RFX3: variants seen among roughly 807,000 people sequenced by gnomAD.
The protein encoded by RFX3 is regulatory factor X3.
RFX3 carries 14 observed loss-of-function variants against 98.6 expected under a neutral mutation model. The ratio of observed to expected loss-of-function variants is 0.14; its 90% confidence interval spans 0.09 to 0.22. The LOEUF (loss-of-function observed/expected upper bound fraction) is 0.22. Among genes scored for constraint, RFX3 ranks in the 10% least tolerant of loss-of-function variants. The pLI is 1.00. For synonymous variants in RFX3, 383 were observed against 328.4 expected (o/e 1.17, Z -1.80); for missense variants, 639 against 926.9 (o/e 0.69, Z 4.03).
intron 4 of RFX3, among the ~76,000 whole-genome samples, chr9:3,315,028 T>A (rs909247318): frequency 2.6e-4 from 40 of 152,158 alleles, no homozygotes; most frequent in Non-Finnish European, 5.3e-4. Flanking sequence ...GCAGACCTAA[T>A]AGACATCTAC....
intron 1 of RFX3, among the ~76,000 whole-genome samples, chr9:3,395,814 C>T (rs1840799995): frequency 6.6e-6 from 1 of 152,144 alleles, no homozygotes; most frequent in South Asian, 2.1e-4. Flanking sequence ...CCCATTAGCA[C>T]CTCTTATCCT....
chr9:3,458,683 G>C (rs559726306), intron 1 of RFX3, among the ~76,000 whole-genome samples: 1 of 152,308 alleles, frequency 6.6e-6, no homozygotes, highest in East Asian at 1.9e-4. Flanking sequence ...ACAGTGTAAA[G>C]AATACAGTCC....
chr9:3,519,990 GT>G (rs1818546705), intron 1 of RFX3, among the ~76,000 whole-genome samples: 1 of 152,024 alleles, frequency 6.6e-6, no homozygotes, highest in Non-Finnish European at 1.5e-5. Flanking sequence ...ACAGCCTGTA[GT>G]CCTAGCTACT....
intron 1 of RFX3, among the ~76,000 whole-genome samples, chr9:3,425,065 CA>C (rs1003884104): frequency 1.3e-5 from 2 of 152,048 alleles, no homozygotes; most frequent in Non-Finnish European, 2.9e-5. Context: ...CCTGTCTCTA[CA>C]AAAAATCTAA....
intron 2 of RFX3, among the ~76,000 whole-genome samples, chr9:3,360,204 T>G (rs2131370323): frequency 6.6e-6 from 1 of 152,210 alleles, no homozygotes; most frequent in African/African-American, 2.4e-5. Flanking sequence ...TTCATTGCCT[T>G]TCCCAAAATA....
At chr9:3,467,565 T>C (rs935827354) in intron 1 of RFX3, among the ~76,000 whole-genome samples, 2 of 152,082 alleles carry the variant, frequency 1.3e-5, no homozygotes. Context: ...AAGAATTCCA[T>C]TCACTTATGA....
chr9:3,317,628 A>C (rs900535837), intron 4 of RFX3, among the ~76,000 whole-genome samples: 99 of 152,248 alleles, frequency 6.5e-4, no homozygotes, highest in Non-Finnish European at 1.2e-4. Context: ...CATCTGACAA[A>C]GGGCTAATAT....
At chr9:3,289,931 T>C (rs547486834) in intron 6 of RFX3, among the ~76,000 whole-genome samples, 2 of 152,194 alleles carry the variant, frequency 1.3e-5, no homozygotes, top group African/African-American at 2.4e-5. Flanking sequence ...GTTCTACATA[T>C]AGTTCATTTT....
chr9:3,365,945 TC>T (rs1354554852), intron 2 of RFX3, among the ~76,000 whole-genome samples: 2 of 151,786 alleles, frequency 1.3e-5, no homozygotes, highest in South Asian at 2.1e-4. Context: ...AAGTTAACTC[TC>T]TAACTTAGGA....
rs879456010 is a variant in RFX3 at position 3,366,690 on chromosome 9, T to TTTCC, written c.118-19930_118-19927dup. 2.3e-3 allele frequency among the ~76,000 whole-genome samples: 298 copies of TTTCC among 127,354 alleles called. 5 individuals are homozygous for TTTCC. The highest frequency in any genetic ancestry group is 7.1e-3 in the African/African-American group (218 of 30,840). The allele number at this position is 127,354 out of a possible 152,430, so 83.5% of individuals were successfully genotyped here. A position where few individuals can be genotyped will look rare whatever the true frequency, so the allele number is the denominator to read the frequency against. On this transcript the variant is annotated intron_variant, in intron 2 of 16. Transcript: ENST00000617270. ...TCTCTTTCTCTTTCTTTCTTCTTTC[T>TTTCC]TTCCTTTCTTTCTTTCTTTCTTTCT...
intron 5 of RFX3, among the ~76,000 whole-genome samples, chr9:3,297,670 C>T (rs1029078999): frequency 1.3e-5 from 2 of 151,862 alleles, no homozygotes; most frequent in African/African-American, 4.8e-5. Context: ...TACAATACAG[C>T]AAAGTCAAGG....
chr9:3,346,411 C>T (rs574054661), intron 3 of RFX3, among the ~76,000 whole-genome samples: 2 of 152,192 alleles, frequency 1.3e-5, no homozygotes, highest in African/African-American at 4.8e-5. Context: ...TTTTTCTCTA[C>T]ATAGGAAGAA....
rs543508253 is a variant in RFX3 at position 3,492,408 on chromosome 9, C to A, written c.-9+33339G>T. Among the ~76,000 whole-genome samples, 151 of 152,370 alleles carry A rather than the reference C, an allele frequency of 9.9e-4. 1 individual carries two copies. In the South Asian group the frequency reaches 0.029, roughly 29 times the overall value. Reference sequence around the variant, plus strand: ...TGGGCCACTCACTTTAGAGAGCTTGCTTTGGCCCTCTGGCCAGGTACCTCC... The same window carrying A: ...TGGGCCACTCACTTTAGAGAGCTTGATTTGGCCCTCTGGCCAGGTACCTCC... On this transcript the variant is annotated intron_variant, in intron 1 of 16. Transcript: ENST00000617270.
intron 1 of RFX3, chr9:3,488,850 T>C (rs1036257430): frequency 1.0e-6 from 1 of 984,390 alleles, no homozygotes; most frequent in African/African-American, 1.7e-5. Context: ...AACTAGCAGA[T>C]TGAGTGTTTA....
intron 1 of RFX3, among the ~76,000 whole-genome samples, chr9:3,505,102 TTTA>T (rs1816798697): frequency 1.0e-5 from 1 of 97,518 alleles, no homozygotes; most frequent in Non-Finnish European, 1.8e-5. Flanking sequence ...TATATTTAGA[TTTA>T]TTTTATATTT....
At chr9:3,267,991 T>G (rs1823875202) in intron 11 of RFX3, among the ~76,000 whole-genome samples, 1 of 151,974 alleles carries the variant, frequency 6.6e-6, no homozygotes, top group Non-Finnish European at 1.5e-5. Flanking sequence ...TCTAGATAAA[T>G]TTAATGCAAG....
intron 16 of RFX3, among the ~76,000 whole-genome samples, chr9:3,226,171 T>C (rs1231926008): frequency 2.0e-5 from 3 of 152,182 alleles, no homozygotes; most frequent in African/African-American, 7.2e-5. Flanking sequence ...GTGGCTTGTA[T>C]AAACAGAGTC....
intron 1 of RFX3, among the ~76,000 whole-genome samples, chr9:3,455,094 C>A (rs997494464): frequency 6.6e-6 from 1 of 152,170 alleles, no homozygotes; most frequent in African/African-American, 2.4e-5. Flanking sequence ...TTCCCCACAC[C>A]GTAGCCAGAA....
intron 15 of RFX3, among the ~76,000 whole-genome samples, chr9:3,246,393 A>T (rs1820679132): frequency 6.6e-6 from 1 of 152,152 alleles, no homozygotes. Flanking sequence ...GAGGTTGCTA[A>T]GCCTTCACAC....
Sources: allele counts gnomAD v4.1 joint callset (sites outside exome capture counted in the v4.1 genomes callset), GRCh38; gene constraint gnomAD v4.1.1; transcripts MANE v1.5; gene names NCBI Gene and HGNC (gene_info 2026-07-23, HGNC 2026-07-21).